PRLR: variants seen among roughly 807,000 people sequenced by gnomAD.
The protein encoded by PRLR is hPRL receptor.
PRLR carries 13 observed loss-of-function variants against 40.2 expected under a neutral mutation model. The observed-to-expected ratio is 0.32, with a 90% CI of 0.21 to 0.51. The LOEUF is 0.51. Ranked by LOEUF, PRLR falls within the 20% of genes least tolerant of loss-of-function variation. The pLI, the probability that PRLR is intolerant of heterozygous loss-of-function variation, is 0.97. For missense variants in PRLR, 656 were observed against 747.3 expected (o/e 0.88, Z 1.42); for synonymous variants, 269 against 278.7 (o/e 0.97, Z 0.35).
At chr5:35,215,461 T>C (rs1776262757) in intron 1 of PRLR, among the ~76,000 whole-genome samples, 3 of 152,334 alleles carry the variant, frequency 2.0e-5, no homozygotes, top group Admixed American at 6.5e-5. Context: ...CTCCCATGAA[T>C]TGTGTGCTTC....
At chr5:35,130,948 C>A (rs74799901) in intron 1 of PRLR, among the ~76,000 whole-genome samples, 3,925 of 152,228 alleles carry the variant, frequency 0.026, 86 homozygotes, top group Middle Eastern at 0.092. Flanking sequence ...CCACAAGAGG[C>A]TAGGGTGAGG....
At chr5:35,188,952 C>A (rs1210595375) in intron 1 of PRLR, among the ~76,000 whole-genome samples, 3 of 152,130 alleles carry the variant, frequency 2.0e-5, no homozygotes, top group African/African-American at 7.2e-5. Context: ...AATCCCAACA[C>A]CCAGGACCTC....
At chr5:35,141,698 G>A (rs547939943) in intron 1 of PRLR, among the ~76,000 whole-genome samples, 55 of 152,218 alleles carry the variant, frequency 3.6e-4, no homozygotes, top group African/African-American at 1.2e-3. Context: ...GAAACCAGAT[G>A]TCATCCTTGA....
At chr5:35,077,011 T>C (rs370729111) in intron 5 of PRLR, among the ~76,000 whole-genome samples, 1 of 152,032 alleles carries the variant, frequency 6.6e-6, no homozygotes, top group Non-Finnish European at 1.5e-5. Context: ...ATTTTGTCAC[T>C]ACCAGGCCTG....
intron 1 of PRLR, among the ~76,000 whole-genome samples, chr5:35,160,948 C>A (rs536732789): frequency 6.6e-6 from 1 of 152,174 alleles, no homozygotes; most frequent in Non-Finnish European, 1.5e-5. Context: ...TCTCACATGG[C>A]GTGGCCGGCC....
chr5:35,070,534 T>A (rs1769680963), intron 6 of PRLR, among the ~76,000 whole-genome samples: 1 of 152,016 alleles, frequency 6.6e-6, no homozygotes, highest in South Asian at 2.1e-4. Context: ...AACAACTACT[T>A]AATAAATGTA....
chr5:35,224,053 G>T (rs1409145183), intron 1 of PRLR, among the ~76,000 whole-genome samples: 1 of 152,190 alleles, frequency 6.6e-6, no homozygotes. Flanking sequence ...AATACAAGAG[G>T]CCTGCAGGAA....
chr5:35,161,458 A>G (rs891116367), intron 1 of PRLR, among the ~76,000 whole-genome samples: 1 of 152,320 alleles, frequency 6.6e-6, no homozygotes, highest in South Asian at 2.1e-4. Flanking sequence ...CTACAAAAGA[A>G]TACAGCATTG....
chr5:35,065,687 T>C lies in PRLR; in HGVS notation c.1271A>G (p.His424Arg). The change falls in exon 10 of 10, where the codon CAC (histidine) becomes CGC (arginine). Residue 424 changes from histidine to arginine, a missense_variant. Physicochemically the swap from His to Arg is conservative, Grantham distance 29. This residue lies in a region of PRLR where 469 missense variants were observed against 491.5 expected (regional missense o/e 0.95). Transcript: ENST00000618457. ...STWPLPQPSQHNPRSSYHNIT... is the reference protein window; with the variant it reads ...STWPLPQPSQRNPRSSYHNIT... ...ATTGTGGTAAGAGGATCTGGGGTTG[T>C]GCTGGCTGGGCTGTGGTAAGGGCCA... The C allele has an allele frequency of 6.2e-7, 1 of 1,614,174 alleles. No individual in the cohort carries two copies. The highest frequency in any genetic ancestry group is 8.5e-7 in the Non-Finnish European group (1 of 1,180,016).
chr5:35,172,952 G>T (rs553325095), intron 1 of PRLR, among the ~76,000 whole-genome samples: 19 of 152,156 alleles, frequency 1.2e-4, no homozygotes, highest in Non-Finnish European at 2.4e-4. Flanking sequence ...TAAGAAGATG[G>T]TTTCTGATAC....
intron 1 of PRLR, among the ~76,000 whole-genome samples, chr5:35,154,789 C>T (rs1017491265): frequency 1.3e-5 from 2 of 152,114 alleles, no homozygotes; most frequent in Middle Eastern, 3.2e-3. Context: ...TACGTATACA[C>T]CATGGAATAC....
chr5:35,201,042 T>C (rs67975005), intron 1 of PRLR, among the ~76,000 whole-genome samples: 18,258 of 152,230 alleles, frequency 0.12, 1,176 homozygotes, highest in Non-Finnish European at 0.13. Flanking sequence ...CTGTGGTAAA[T>C]TCTGTTTCTA....
intron 1 of PRLR, among the ~76,000 whole-genome samples, chr5:35,175,859 C>G (rs1342885328): frequency 6.6e-6 from 1 of 152,114 alleles, no homozygotes; most frequent in Admixed American, 6.5e-5. Flanking sequence ...ATGATCTTAG[C>G]ACACAAAGTT....
chr5:35,197,995 A>T (rs1775782180), intron 1 of PRLR, among the ~76,000 whole-genome samples: 1 of 152,222 alleles, frequency 6.6e-6, no homozygotes, highest in Non-Finnish European at 1.5e-5. Context: ...GTCCTGGAGT[A>T]TTGTGGCATG....
rs139147779 is a variant in PRLR, at chr5:35,065,499, C to T, written c.1459G>A (p.Asp487Asn). 3.1e-6 allele frequency: 5 copies of T among 1,613,962 alleles called. No individual in the cohort carries two copies. In the African/African-American group the frequency reaches 6.7e-5, roughly 22 times the overall value. The part of the protein sequence containing the change: ...REVESFHSET[D>N]QDTPWLLPQE... ...GGCAGCAGCCAGGGCGTATCCTGGT[C>T]AGTCTCAGAATGGAAGCTTTCTACC... Residue 487 changes from aspartate (D) to asparagine (N), a missense_variant, in exon 10 of 10, where the codon GAC becomes AAC. This residue lies in a region of PRLR where 469 missense variants were observed against 491.5 expected (regional missense o/e 0.95). Transcript: ENST00000618457.
chr5:35,087,472 G>T (rs1770932423), intron 3 of PRLR, among the ~76,000 whole-genome samples: 1 of 149,314 alleles, frequency 6.7e-6, no homozygotes, highest in Non-Finnish European at 1.5e-5. Flanking sequence ...AGGTTGCAAA[G>T]GGCTTCCTTT....
chr5:35,193,597 T>A (rs1775661504), intron 1 of PRLR, among the ~76,000 whole-genome samples: 1 of 152,200 alleles, frequency 6.6e-6, no homozygotes, highest in Non-Finnish European at 1.5e-5. Context: ...GGTCCTGCAA[T>A]CTTTAGGTGA....
intron 1 of PRLR, among the ~76,000 whole-genome samples, chr5:35,122,245 T>C (rs1420455503): frequency 7.9e-5 from 12 of 152,184 alleles, no homozygotes; most frequent in Admixed American, 7.2e-4. Flanking sequence ...TGTTTTTTTT[T>C]CTTCAACTTT....
intron 4 of PRLR, among the ~76,000 whole-genome samples, chr5:35,085,187 C>T (rs532457073): frequency 3.8e-4 from 58 of 152,334 alleles, no homozygotes; most frequent in African/African-American, 1.4e-3. Flanking sequence ...TTCAAGCCCA[C>T]GTGGCTCAGT....
Sources: gnomAD v4.1 joint callset for allele counts (sites outside exome capture counted in the v4.1 genomes callset) on GRCh38, gnomAD v4.1.1 for gene constraint, gnomAD v4.1.1 regional missense constraint, MANE v1.5 for transcripts, NCBI Gene and HGNC (gene_info 2026-07-23, HGNC 2026-07-21) for gene names.